The following CARM1 variants were observed in gnomAD, a reference collection of about 807,000 sequenced individuals.
The protein encoded by CARM1 is coactivator associated arginine methyltransferase 1.
A neutral mutation model predicts 72.7 loss-of-function variants in CARM1; 14 were observed. The ratio of observed to expected loss-of-function variants is 0.19; its 90% CI spans 0.13 to 0.30. The LOEUF is 0.30. CARM1 is among the 10% of genes least tolerant of loss of function. CARM1 has a pLI of 1.00. For missense variants in CARM1, 432 were observed against 833.7 expected (o/e 0.52, Z 5.93); for synonymous variants, 333 against 345.5 (o/e 0.96, Z 0.40).
intron 1 of CARM1, among the ~76,000 whole-genome samples, chr19:10,899,085 G>A (rs557770843): frequency 7.3e-5 from 9 of 122,752 alleles, no homozygotes; most frequent in African/African-American, 2.8e-4. Context: ...TGTCTTCTGT[G>A]TGCCAGGGAC....
intron 1 of CARM1, among the ~76,000 whole-genome samples, chr19:10,880,300 G>A (rs2073892059): frequency 6.6e-6 from 1 of 152,286 alleles, no homozygotes; most frequent in Non-Finnish European, 1.5e-5. Flanking sequence ...GGCGAGTTGA[G>A]GCTGGGAGGG....
intron 1 of CARM1, among the ~76,000 whole-genome samples, chr19:10,872,542 C>T (rs2073827649): frequency 6.6e-6 from 1 of 151,982 alleles, no homozygotes; most frequent in South Asian, 2.1e-4. Context: ...AGGGTGAGCT[C>T]CTCGTGGAAA....
In CARM1 at chr19:10,909,084, C is replaced by T. The variant is rs760876348; in HGVS notation, c.454-19C>T. 8.2e-6 allele frequency: 13 copies of T among 1,590,378 alleles called. No homozygotes were observed. The highest frequency in any genetic ancestry group is 2.2e-5 in the South Asian group (2 of 90,574). Reference sequence around the variant, plus strand: ...CGTGCCACCATGTGCCCCGTGCCATCGGTATGTCTCTGTTCCAGTTTTATG... The same window carrying T: ...CGTGCCACCATGTGCCCCGTGCCATTGGTATGTCTCTGTTCCAGTTTTATG... On this transcript the variant is annotated intron_variant, in intron 3 of 15. Transcript: ENST00000327064.
chr19:10,889,847 A>G (rs1205612036), intron 1 of CARM1, among the ~76,000 whole-genome samples: 1 of 152,116 alleles, frequency 6.6e-6, no homozygotes, highest in Non-Finnish European at 1.5e-5. Flanking sequence ...TCCCACCCTC[A>G]TTTTAAGGAA....
chr19:10,913,478 C>T (rs2074170098), intron 5 of CARM1, among the ~76,000 whole-genome samples: 1 of 151,374 alleles, frequency 6.6e-6, no homozygotes, highest in African/African-American at 2.4e-5. Flanking sequence ...GCAGAGGTTG[C>T]AGTGAGCCGA....
At chr19:10,882,425 G>A (rs1256139894) in intron 1 of CARM1, among the ~76,000 whole-genome samples, 1 of 152,110 alleles carries the variant, frequency 6.6e-6, no homozygotes, top group African/African-American at 2.4e-5. Flanking sequence ...TTCGGTGAGT[G>A]GCTTCCCTGG....
chr19:10,920,338 G>A lies in CARM1; in HGVS notation c.1197-98G>A. 7.1e-7 allele frequency: 1 copy of A among 1,416,656 alleles called. No individual in the cohort carries two copies. Among genetic ancestry groups the A allele is most frequent in the Non-Finnish European group, 9.5e-7 (1 of 1,047,774 alleles). The allele number at this position is 1,416,656 out of a possible 1,614,324, so 87.8% of individuals were successfully genotyped here. A position where few individuals can be genotyped will look rare whatever the true frequency, so the allele number is the denominator to read the frequency against. On this transcript the variant is annotated intron_variant, in intron 10 of 15. Transcript: ENST00000327064. The surrounding 1 kb of genome is among the most constrained non-coding windows in gnomAD (Gnocchi z 5.3). ...TCCAGGGTCCCAGGGGTCCCTGGCA[G>A]AGGGGGCAGGTGCTTGGGGAGGACT...
intron 1 of CARM1, among the ~76,000 whole-genome samples, chr19:10,893,987 C>T (rs1428701291): frequency 3.9e-5 from 6 of 152,132 alleles, no homozygotes; most frequent in East Asian, 1.9e-4. Flanking sequence ...TCATCTCTGC[C>T]GCCTCTTGGG....
rs1161673591 is a variant in CARM1, at chr19:10,919,690, C to T, written c.1106+10C>T. 4 of 1,604,464 alleles carry T rather than the reference C, an allele frequency of 2.5e-6. No homozygotes were observed. Among genetic ancestry groups the T allele is most frequent in the African/African-American group, 2.7e-5 (2 of 74,794 alleles). On this transcript the variant is annotated intron_variant, in intron 9 of 15. Coordinates refer to ENST00000327064, the MANE Select transcript of CARM1 (RefSeq NM_199141.2). ...AAGGAGATTTGCACAGGTACTGGCA[C>T]CCACACTCCATCCTCCCAGGCCTGG...
At chr19:10,875,459 C>T (rs988859557) in intron 1 of CARM1, among the ~76,000 whole-genome samples, 1 of 151,668 alleles carries the variant, frequency 6.6e-6, no homozygotes, top group South Asian at 2.1e-4. Context: ...GAGTCTGGCT[C>T]TGTCACCCAG....
At chr19:10,887,877 G>C (rs892849709) in intron 1 of CARM1, among the ~76,000 whole-genome samples, 1 of 152,138 alleles carries the variant, frequency 6.6e-6, no homozygotes, top group African/African-American at 2.4e-5. Flanking sequence ...GCGCCCCCCT[G>C]TACTCCCCTC....
intron 1 of CARM1, among the ~76,000 whole-genome samples, chr19:10,885,488 G>T (rs781204715): frequency 6.6e-6 from 1 of 152,112 alleles, no homozygotes; most frequent in South Asian, 2.1e-4. Context: ...CAGCGGTGTG[G>T]GCATGGGTGC....
In CARM1 at chr19:10,886,360, A is replaced by G. The variant is rs943747005; in HGVS notation, c.220+14438A>G. Among the ~76,000 whole-genome samples, 6 of 150,600 alleles carry G rather than the reference A, an allele frequency of 4.0e-5. No homozygotes were observed. The South Asian group carries it at 6.3e-4, about 16-fold the overall frequency. ...AGGCGTGAGCCACCGTGCCCGGCCT[A>G]ATTTTTGTATTTCTTGTAGAGACGG... On this transcript the variant is annotated intron_variant, in intron 1 of 15. Coordinates refer to ENST00000327064, the MANE Select transcript of CARM1 (RefSeq NM_199141.2).
chr19:10,897,546 G>A lies in CARM1; in HGVS notation c.221-7405G>A, dbSNP rs182020543. On this transcript the variant is annotated intron_variant, in intron 1 of 15. Coordinates refer to ENST00000327064, the MANE Select transcript of CARM1 (RefSeq NM_199141.2). ...CCCCAGAGCTTCATCAGGGCCGACTGCAGTGTGGCAGGCCAGCGAGTAGCC... is the reference window on the plus strand; with the variant it reads ...CCCCAGAGCTTCATCAGGGCCGACTACAGTGTGGCAGGCCAGCGAGTAGCC... Among the ~76,000 whole-genome samples, 31 of 152,330 alleles carry A rather than the reference G, an allele frequency of 2.0e-4. No homozygotes were observed. The East Asian group carries it at 3.9e-3, about 19-fold the overall frequency.
chr19:10,901,279 G>C (rs1350960608), intron 1 of CARM1, among the ~76,000 whole-genome samples: 1 of 149,800 alleles, frequency 6.7e-6, no homozygotes, highest in Non-Finnish European at 1.5e-5. Flanking sequence ...CACTGCACTT[G>C]GCCAGCTTTT....
At chr19:10,886,126 A>G (rs2073940718) in intron 1 of CARM1, among the ~76,000 whole-genome samples, 1 of 143,944 alleles carries the variant, frequency 6.9e-6, no homozygotes, top group African/African-American at 2.6e-5. Context: ...GTGTGATCTC[A>G]GCTCACCACA....
chr19:10,912,878 C>T lies in CARM1; in HGVS notation c.669+584C>T, dbSNP rs960021917. 6.6e-6 allele frequency among the ~76,000 whole-genome samples: 1 copy of T among 152,186 alleles called. No individual in the cohort carries two copies. The highest frequency in any genetic ancestry group is 6.6e-5 in the Admixed American group (1 of 15,264). On this transcript the variant is annotated intron_variant, in intron 5 of 15. Transcript: ENST00000327064. The surrounding 1 kb of genome is among the most constrained non-coding windows in gnomAD (Gnocchi z 4.5). ...CACTCAGACTCCTTCCAGGTCTTCA[C>T]GTGGCCAACGCTGCTGTCCTGAGCC... is the stretch of plus-strand genomic sequence containing the variant.
rs1158818336 is a variant in CARM1 at position 10,873,751 on chromosome 19, T to G, written c.220+1829T>G. Among the ~76,000 whole-genome samples, 3 of 141,766 alleles carry G rather than the reference T, an allele frequency of 2.1e-5. No homozygotes were observed. In the East Asian group the frequency reaches 7.4e-4, roughly 35 times the overall value. 93.0% of individuals were successfully genotyped at this position (141,766 alleles called of 152,430 possible). Reference sequence around the variant, plus strand: ...GCCACCTGGGTTCACGCCATTCTCCTGCCTCAGCCTCCCGAGTAGCTGGGA... The same window carrying G: ...GCCACCTGGGTTCACGCCATTCTCCGGCCTCAGCCTCCCGAGTAGCTGGGA... On this transcript the variant is annotated intron_variant, in intron 1 of 15. Transcript: ENST00000327064.
chr19:10,882,960 C>T (rs1339472060), intron 1 of CARM1, among the ~76,000 whole-genome samples: 1 of 152,192 alleles, frequency 6.6e-6, no homozygotes, highest in East Asian at 1.9e-4. Context: ...GAGAGGCTGG[C>T]CTGGCCAGAG....
Sources: allele counts gnomAD v4.1 joint callset (sites outside exome capture counted in the v4.1 genomes callset), GRCh38; gene constraint gnomAD v4.1.1; non-coding constraint Gnocchi (gnomAD v3.1); transcripts MANE v1.5; gene names NCBI Gene and HGNC (gene_info 2026-07-23, HGNC 2026-07-21).